The following RSL1D1 variants were observed in gnomAD, a reference collection of about 807,000 sequenced individuals.
RSL1D1 encodes the protein ribosomal L1 domain-containing protein 1.
RSL1D1 carries 34 observed loss-of-function variants against 44.6 expected under a neutral mutation model. The observed-to-expected ratio is 0.76, with a 90% CI of 0.58 to 1.02. RSL1D1 has a LOEUF of 1.02. RSL1D1 is among the 50% of genes least tolerant of loss of function. The pLI is 0.00. For missense variants in RSL1D1, 767 were observed against 568.1 expected, an observed-to-expected ratio of 1.35 and a Z score of -3.56; for synonymous variants, 271 against 207.4, an observed-to-expected ratio of 1.31 and a Z score of -2.63.
chr16:11,847,089 T>C (rs1372358500), intron 3 of RSL1D1, among the ~76,000 whole-genome samples: 2 of 152,168 alleles, frequency 1.3e-5, no homozygotes, highest in African/African-American at 4.8e-5. Context: ...TATATTATTA[T>C]ACATATGTTG....
At position 11,850,346 on chromosome 16, in the gene RSL1D1, C is replaced by T. The variant is rs767340950; in HGVS notation, c.178G>A (p.Glu60Lys). 2.5e-6 allele frequency: 4 copies of T among 1,601,448 alleles called. No homozygotes were observed. The African/African-American group carries it at 4.0e-5, about 16-fold the overall frequency. Residue 60 changes from glutamate to lysine, a missense_variant, in exon 2 of 9, where the codon GAG becomes AAG. By Grantham distance (56) the Glu-to-Lys change is moderately conservative. Coordinates refer to ENST00000571133, the MANE Select transcript of RSL1D1 (RefSeq NM_015659.3). ...ACCATTAAAAATAAACTTTCATTCT[C>T]ATTCAAAAGCAACCCATAATTGTTT... ...RKNNYGLLLN[E>K]NESLFLMVVL...
chr16:11,836,153 TTCTTTGTTGGATTACCAATAAA>T lies in RSL1D1; in HGVS notation c.*1612_*1633del, dbSNP rs1387965979. On this transcript the variant is annotated 3_prime_UTR_variant, in exon 9 of 9. Coordinates refer to ENST00000571133, the MANE Select transcript of RSL1D1 (RefSeq NM_015659.3). Reference sequence around the variant, plus strand: ...TGACCTTCACATTCTCACCATCTGTTTCTTTGTTGGATTACCAATAAATAGTGTGGGCTCCCAGAGCTCACGG... The same window carrying T: ...TGACCTTCACATTCTCACCATCTGTTTAGTGTGGGCTCCCAGAGCTCACGG... 1.3e-5 allele frequency: 2 copies of T among 152,098 alleles called. No homozygotes were observed. The highest frequency in any genetic ancestry group is 4.8e-5 in the African/African-American group (2 of 41,428). 9.4% of individuals were successfully genotyped at this position (152,098 alleles called of 1,614,324 possible).
rs775530030 is a variant in RSL1D1, at chr16:11,851,470, T to G, written c.43A>C (p.Thr15Pro). The G allele has an allele frequency of 2.3e-5, 37 of 1,613,930 alleles. No individual in the cohort carries two copies. The highest frequency in any genetic ancestry group is 3.1e-5 in the Non-Finnish European group (37 of 1,179,980). Residue 15 changes from threonine (T) to proline (P), a missense_variant, in exon 1 of 9, where the codon ACT (threonine) becomes CCT (proline). Physicochemically the swap from Thr to Pro is conservative, Grantham distance 38. Transcript: ENST00000571133. ...GCTGGAGTCGAGGTGGAGGTTCCAG[T>G]AGCGGCTGCAGAAGACAGCGAGGCC... ...ASASLSSAAA[T>P]GTSTSTPAAP...
At chr16:11,843,623 C>G (rs932087329) in intron 5 of RSL1D1, among the ~76,000 whole-genome samples, 3 of 151,790 alleles carry the variant, frequency 2.0e-5, no homozygotes, top group African/African-American at 7.3e-5. Context: ...AATCCCAGCA[C>G]GTTGGGAGGC....
chr16:11,839,572 C>A, intron 8 of RSL1D1, 123 bp downstream of exon 8: 2 of 1,300,836 alleles, frequency 1.5e-6, no homozygotes, highest in South Asian at 3.1e-5. Context: ...GATATGATAA[C>A]CACCTTCACA....
rs2053702090 is a variant in RSL1D1 at position 11,834,204 on chromosome 16, T to C, written c.*3583A>G. On this transcript the variant is annotated 3_prime_UTR_variant, in exon 9 of 9. Transcript: ENST00000571133. ...AGTACAGAATGTACCCATTTTAGGA[T>C]GATTCAACTTTATGATTTTTCAACT... is the stretch of plus-strand genomic sequence containing the variant. 1 of 152,214 alleles carries C rather than the reference T, an allele frequency of 6.6e-6. No individual in the cohort carries two copies. Among genetic ancestry groups the C allele is most frequent in the Non-Finnish European group, 1.5e-5 (1 of 68,050 alleles). 9.4% of individuals were successfully genotyped at this position (152,214 alleles called of 1,614,324 possible).
At chr16:11,840,466 T>C (rs2053757380) in intron 7 of RSL1D1, among the ~76,000 whole-genome samples, 1 of 151,922 alleles carries the variant, frequency 6.6e-6, no homozygotes, top group African/African-American at 2.4e-5. Flanking sequence ...CTCAGGAGGG[T>C]GAGGCACAGA....
At chr16:11,840,605 T>C (rs1053206658) in intron 7 of RSL1D1, among the ~76,000 whole-genome samples, 22 of 152,140 alleles carry the variant, frequency 1.4e-4, no homozygotes, top group Admixed American at 8.5e-4. Context: ...ACAATTAACA[T>C]GGCTAAAGAG....
chr16:11,841,854 A>G (rs751121079), intron 6 of RSL1D1, 34 bp from the exon 7 acceptor site: 28 of 1,612,428 alleles, frequency 1.7e-5, no homozygotes, highest in Non-Finnish European at 2.3e-5. Context: ...TCGTCTACAT[A>G]TACTTTGTTT....
At chr16:11,846,956 T>C in intron 3 of RSL1D1, 113 bp from the exon 4 acceptor site, 3 of 912,486 alleles carry the variant, frequency 3.3e-6, no homozygotes, top group Non-Finnish European at 5.1e-6. Context: ...GCCATGCCTC[T>C]ATACTTTAAT....
In RSL1D1 at chr16:11,850,267, A is replaced by G; in HGVS notation, c.245+12T>C. 6.4e-7 allele frequency: 1 copy of G among 1,562,402 alleles called. No individual in the cohort carries two copies. The highest frequency in any genetic ancestry group is 1.7e-4 in the Middle Eastern group (1 of 5,764). ...CAGATAAAAACAGCAAAGGTAGAAA[A>G]TCACAACTTACAATCTGACCCTCAG... is the stretch of plus-strand genomic sequence containing the variant. On this transcript the variant is annotated intron_variant, in intron 2 of 8. Transcript: ENST00000571133.
At chr16:11,850,121 C>G (rs1438556978) in intron 2 of RSL1D1, among the ~76,000 whole-genome samples, 158 bp downstream of exon 2, 1 of 152,234 alleles carries the variant, frequency 6.6e-6, no homozygotes, top group African/African-American at 2.4e-5. Context: ...GCCACCACAT[C>G]AAGCCTCTAT....
At chr16:11,838,135 T>G (rs1189090378) in intron 8 of RSL1D1, 22 bp from the exon 9 acceptor site, 1 of 1,538,494 alleles carries the variant, frequency 6.5e-7, no homozygotes, top group Non-Finnish European at 8.7e-7. Context: ...AAAAGTAAGT[T>G]TAATATAGAA....
In RSL1D1 at chr16:11,839,792, C is replaced by G. The variant is rs1404460449; in HGVS notation, c.1049G>C (p.Arg350Thr). 18 of 1,614,044 alleles carry G rather than the reference C, an allele frequency of 1.1e-5. No individual in the cohort carries two copies. Among genetic ancestry groups the G allele is most frequent in the Non-Finnish European group, 1.5e-5 (18 of 1,180,044 alleles). Residue 350 changes from arginine to threonine, a missense_variant, in exon 8 of 9, where the codon AGA becomes ACA. Coordinates refer to ENST00000571133, the MANE Select transcript of RSL1D1 (RefSeq NM_015659.3). ...TPEHGKKKRG[R>T]GKAQVKATNE... ...TGTTGCTTTAACTTGGGCTTTTCCT[C>G]TGCCACGTTTTTTCTTCCCATGCTC...
Position 11,837,489 on chromosome 16 carries a change from T to TACA in RSL1D1, c.*295_*297dup, listed in dbSNP as rs898320858. On this transcript the variant is annotated 3_prime_UTR_variant, in exon 9 of 9. Coordinates refer to ENST00000571133, the MANE Select transcript of RSL1D1 (RefSeq NM_015659.3). Reference sequence around the variant, plus strand: ...CCTCAGCCTCCCTAGTAGCTGGGATTACAGGTGTCCACCACCATGCCCAAT... The same window carrying TACA: ...CCTCAGCCTCCCTAGTAGCTGGGATTACAACAGGTGTCCACCACCATGCCCAAT... 4.4e-6 allele frequency: 1 copy of TACA among 228,042 alleles called. No individual in the cohort carries two copies. The highest frequency in any genetic ancestry group is 2.4e-5 in the African/African-American group (1 of 41,664). The allele number at this position is 228,042 out of a possible 1,614,324, so 14.1% of individuals were successfully genotyped here. A position where few individuals can be genotyped will look rare whatever the true frequency, so the allele number is the denominator to read the frequency against.
intron 5 of RSL1D1, among the ~76,000 whole-genome samples, chr16:11,845,259 A>T (rs2053789692): frequency 6.6e-6 from 1 of 152,134 alleles, no homozygotes; most frequent in Admixed American, 6.5e-5. Flanking sequence ...TCAAGTCTAG[A>T]TGGGGCAAAA....
intron 2 of RSL1D1, chr16:11,849,120 C>G (rs1460651004): frequency 6.6e-6 from 1 of 152,112 alleles, no homozygotes; most frequent in Admixed American, 6.6e-5. Flanking sequence ...GGCATGGAGG[C>G]TCATGCCTGT....
Position 11,843,733 on chromosome 16 carries a change from T to C in RSL1D1, c.636-1733A>G, listed in dbSNP as rs2053779190. Among the ~76,000 whole-genome samples the C allele has an allele frequency of 3.3e-5, 5 of 151,324 alleles. No homozygotes were observed. In the South Asian group the frequency reaches 1.0e-3, roughly 32 times the overall value. On this transcript the variant is annotated intron_variant, in intron 5 of 8. Coordinates refer to ENST00000571133, the MANE Select transcript of RSL1D1 (RefSeq NM_015659.3). ...AAAATACAAAAAAATTAGCTGGGCA[T>C]TGTGGTGGGCGCCTATAGTCCCAGC...
chr16:11,838,754 G>A (rs1465196517), intron 8 of RSL1D1, among the ~76,000 whole-genome samples: 1 of 151,356 alleles, frequency 6.6e-6, no homozygotes, highest in African/African-American at 2.4e-5. Flanking sequence ...CTACTCAGGA[G>A]GCTGAGGCAC....
Sources: allele counts gnomAD v4.1 joint callset (sites outside exome capture counted in the v4.1 genomes callset), GRCh38; gene constraint gnomAD v4.1.1; transcripts MANE v1.5; gene names NCBI Gene and HGNC (gene_info 2026-07-23, HGNC 2026-07-21).